The following ENOX2 variants were observed in gnomAD, a reference collection of about 807,000 sequenced individuals.
ENOX2 encodes APK1 antigen.
In ENOX2, 36 loss-of-function variants were observed where a neutral mutation model predicts 45.0. That is an observed-to-expected ratio of 0.80 (90% CI 0.61 to 1.06). ENOX2 has a LOEUF of 1.06. Among genes scored for constraint, ENOX2 ranks in the 50% least tolerant of loss-of-function variants. The probability of loss-of-function intolerance (pLI) is 0.00; values close to 1 mark genes in which losing one functional copy is unlikely to be tolerated. For missense variants in ENOX2, 423 were observed against 462.5 expected, an observed-to-expected ratio of 0.91 and a Z score of 0.78; for synonymous variants, 174 against 152.3, an observed-to-expected ratio of 1.14 and a Z score of -1.05.
At chrX:130,818,378 G>T (rs1454594628) in intron 2 of ENOX2, among the ~76,000 whole-genome samples, 2 of 111,510 alleles carry the variant, frequency 1.8e-5, no homozygotes, top group African/African-American at 3.3e-5. Flanking sequence ...TTGACTTTCT[G>T]CATGGAATTA....
At chrX:130,733,325 G>A (rs1277899151) in intron 3 of ENOX2, among the ~76,000 whole-genome samples, 1 of 107,413 alleles carries the variant, frequency 9.3e-6, no homozygotes, top group Non-Finnish European at 1.9e-5. Context: ...CATAATGAGA[G>A]ATCAATATAT....
chrX:130,764,473 C>T (rs192511849), intron 3 of ENOX2, among the ~76,000 whole-genome samples: 1 of 108,981 alleles, frequency 9.2e-6, no homozygotes, highest in Non-Finnish European at 1.9e-5. Flanking sequence ...GACAGTAAAA[C>T]TTGTTTCCTA....
chrX:130,891,490 GTTTTT>G (rs140444679), intron 2 of ENOX2, among the ~76,000 whole-genome samples: 1 of 44,565 alleles, frequency 2.2e-5, no homozygotes, highest in Non-Finnish European at 3.7e-5. Flanking sequence ...ACACTATATG[GTTTTT>G]TTTTTTTTTT....
chrX:130,673,117 T>C (rs1049964474), intron 6 of ENOX2, among the ~76,000 whole-genome samples: 1 of 112,160 alleles, frequency 8.9e-6, no homozygotes, highest in Non-Finnish European at 1.9e-5. Context: ...ATAGGACACC[T>C]GCTGACAGAA....
intron 2 of ENOX2, among the ~76,000 whole-genome samples, chrX:130,830,889 A>G (rs1487459159): frequency 9.0e-6 from 1 of 111,199 alleles, no homozygotes; most frequent in East Asian, 2.8e-4. Context: ...TCTCTAGTAC[A>G]TTTTCTGTTG....
At position 130,759,408 on chromosome X, in the gene ENOX2, A is replaced by G. The variant is rs1217330803; in HGVS notation, c.-39+24139T>C. On this transcript the variant is annotated intron_variant, in intron 3 of 14. Transcript: ENST00000394363. ...GGAGTTTGAGACCAGCCTGGCCAAC[A>G]TGGTGAAACCCCGACTCTACTAAAA... 7.4e-5 allele frequency among the ~76,000 whole-genome samples: 8 copies of G among 108,808 alleles called. No individual in the cohort carries two copies. The East Asian group carries it at 1.7e-3, about 23-fold the overall frequency. The allele number at this position is 108,808 out of a possible 115,157, so 94.5% of individuals were successfully genotyped here.
chrX:130,866,585 A>C (rs762854180), intron 2 of ENOX2, among the ~76,000 whole-genome samples: 3 of 111,021 alleles, frequency 2.7e-5, no homozygotes, highest in Non-Finnish European at 5.6e-5. Context: ...CATGCTGGTC[A>C]TCATGCTTGG....
chrX:130,682,341 T>C (rs963150815), intron 5 of ENOX2, among the ~76,000 whole-genome samples: 8 of 108,917 alleles, frequency 7.3e-5, no homozygotes, highest in African/African-American at 2.3e-4. Flanking sequence ...TAAAAATTCT[T>C]TGGGGGGCTG....
chrX:130,638,460 AC>A, intron 10 of ENOX2, among the ~76,000 whole-genome samples: 1 of 110,156 alleles, frequency 9.1e-6, no homozygotes, highest in African/African-American at 3.3e-5. Context: ...ACACACACAC[AC>A]ACACACACAC....
At chrX:130,683,306 C>T (rs373425365) in intron 5 of ENOX2, among the ~76,000 whole-genome samples, 1 of 111,649 alleles carries the variant, frequency 9.0e-6, no homozygotes, top group African/African-American at 3.3e-5. Flanking sequence ...GTCTTTAAGT[C>T]GATTTTATTA....
chrX:130,723,810 A>G (rs1442246962), intron 3 of ENOX2, among the ~76,000 whole-genome samples: 1 of 111,575 alleles, frequency 9.0e-6, no homozygotes, highest in African/African-American at 3.3e-5. Context: ...TCTCTAAGAG[A>G]TACGTAGCAC....
At chrX:130,708,886 A>T (rs2038108437) in intron 3 of ENOX2, among the ~76,000 whole-genome samples, 1 of 112,082 alleles carries the variant, frequency 8.9e-6, no homozygotes, top group Non-Finnish European at 1.9e-5. Context: ...AAAGGAAGAT[A>T]AAATGATGAC....
At chrX:130,864,594 T>TGG (rs1233768211) in intron 2 of ENOX2, among the ~76,000 whole-genome samples, 5 of 112,519 alleles carry the variant, frequency 4.4e-5, no homozygotes, top group Non-Finnish European at 7.5e-5. Flanking sequence ...GTCATTGCTA[T>TGG]GTAAGTAGTT....
At chrX:130,632,486 T>C (rs747312549) in intron 12 of ENOX2, among the ~76,000 whole-genome samples, 1 of 109,799 alleles carries the variant, frequency 9.1e-6, no homozygotes, top group African/African-American at 3.3e-5. Flanking sequence ...AGAATATCTT[T>C]TCTGTTATTA....
At chrX:130,902,222 C>A (rs781663575) in intron 1 of ENOX2, among the ~76,000 whole-genome samples, 1 of 111,711 alleles carries the variant, frequency 9.0e-6, no homozygotes, top group Non-Finnish European at 1.9e-5. Context: ...ACACGGTCTA[C>A]TTTATTCTGT....
intron 2 of ENOX2, among the ~76,000 whole-genome samples, chrX:130,842,018 T>C (rs935775040): frequency 8.9e-6 from 1 of 112,541 alleles, no homozygotes; most frequent in African/African-American, 3.2e-5. Context: ...GAAAAATCTA[T>C]GACAAAGCTT....
chrX:130,663,110 C>T (rs918805538), intron 9 of ENOX2, among the ~76,000 whole-genome samples: 7 of 112,310 alleles, frequency 6.2e-5, no homozygotes, highest in South Asian at 3.7e-4. Context: ...AGTATATATC[C>T]GCTAGATAAG....
chrX:130,668,675 A>T (rs943619025), intron 7 of ENOX2, among the ~76,000 whole-genome samples: 2 of 111,944 alleles, frequency 1.8e-5, no homozygotes, highest in Admixed American at 1.9e-4. Context: ...AGAAACCCTT[A>T]TGTTAAATGG....
intron 4 of ENOX2, 25 bp from the exon 5 acceptor site, chrX:130,689,043 T>C: frequency 1.7e-6 from 2 of 1,176,678 alleles, no homozygotes; most frequent in Admixed American, 2.2e-5. Flanking sequence ...GAGAGAACAA[T>C]AAATGACACC....
Sources: gnomAD v4.1 joint callset for allele counts (sites outside exome capture counted in the v4.1 genomes callset) on GRCh38, gnomAD v4.1.1 for gene constraint, MANE v1.5 for transcripts, NCBI Gene and HGNC (gene_info 2026-07-23, HGNC 2026-07-21) for gene names.